VWA8: variants seen among roughly 807,000 people sequenced by gnomAD.
VWA8 encodes von Willebrand factor A domain containing 8.
VWA8 carries 221 observed loss-of-function variants against 241.5 expected under a neutral mutation model. The ratio of observed to expected loss-of-function variants is 0.91; its 90% CI spans 0.82 to 1.02. The LOEUF is 1.02. Ranked by LOEUF, VWA8 falls within the 50% of genes least tolerant of loss-of-function variation. The pLI is 0.00. For missense variants in VWA8, 2,322 were observed against 2,328.7 expected (o/e 1.00, Z 0.06); for synonymous variants, 852 against 827.1 (o/e 1.03, Z -0.52).
Position 41,684,360 on chromosome 13 carries a change from CAATT to C in VWA8, c.4327+683_4327+686del, listed in dbSNP as rs141729710. ...CCACTGTGACATAAAAAAAAAAAGT[CAATT>C]AATCAATGATCAAACTTTTTCATAG... On this transcript the variant is annotated intron_variant, in intron 35 of 44. Transcript: ENST00000379310. Among the ~76,000 whole-genome samples the C allele has an allele frequency of 2.9e-3, 441 of 151,610 alleles. 2 individuals carry two copies. The highest frequency in any genetic ancestry group is 1.0e-2 in the African/African-American group (412 of 41,338).
chr13:41,648,195 C>T (rs759012242), intron 37 of VWA8, among the ~76,000 whole-genome samples: 3 of 152,088 alleles, frequency 2.0e-5, no homozygotes, highest in Non-Finnish European at 4.4e-5. Context: ...TGAATCTGAT[C>T]ACTGGTAATA....
intron 43 of VWA8, among the ~76,000 whole-genome samples, chr13:41,571,317 CTCCCT>C (rs1198331067): frequency 7.0e-6 from 1 of 143,236 alleles, no homozygotes; most frequent in Non-Finnish European, 1.5e-5. Context: ...CCTCCTCCCT[CTCCCT>C]CTCCCGTCTC....
intron 40 of VWA8, among the ~76,000 whole-genome samples, chr13:41,594,649 C>T (rs1198358025): frequency 6.6e-6 from 1 of 152,160 alleles, no homozygotes; most frequent in Non-Finnish European, 1.5e-5. Flanking sequence ...CTGGAGGACA[C>T]ACAGCTGATG....
intron 2 of VWA8, among the ~76,000 whole-genome samples, chr13:41,945,690 G>A (rs1566048055): frequency 6.6e-6 from 1 of 152,064 alleles, no homozygotes; most frequent in Non-Finnish European, 1.5e-5. Context: ...CAGCAAACTT[G>A]AAGATTAGTC....
At chr13:41,869,887 A>C (rs933965609) in intron 9 of VWA8, among the ~76,000 whole-genome samples, 4 of 152,172 alleles carry the variant, frequency 2.6e-5, no homozygotes, top group Admixed American at 2.6e-4. Context: ...ATTAACCCCC[A>C]AAATCCTACA....
intron 2 of VWA8, among the ~76,000 whole-genome samples, chr13:41,937,696 G>A (rs1320630259): frequency 6.6e-6 from 1 of 152,064 alleles, no homozygotes; most frequent in Non-Finnish European, 1.5e-5. Context: ...ATGTTACAAG[G>A]ATCAATGAAA....
intron 20 of VWA8, among the ~76,000 whole-genome samples, chr13:41,772,656 A>T (rs2045833566): frequency 6.6e-6 from 1 of 152,344 alleles, no homozygotes; most frequent in Admixed American, 6.5e-5. Flanking sequence ...GTTCTGCTGC[A>T]CTTACTGGAA....
intron 9 of VWA8, among the ~76,000 whole-genome samples, chr13:41,882,427 C>G (rs1028779847): frequency 1.3e-5 from 2 of 152,146 alleles, no homozygotes; most frequent in African/African-American, 4.8e-5. Context: ...GCTGCAATCT[C>G]GGCACTTTGG....
intron 4 of VWA8, among the ~76,000 whole-genome samples, chr13:41,897,447 T>C (rs1160069131): frequency 6.6e-6 from 1 of 151,856 alleles, no homozygotes; most frequent in Non-Finnish European, 1.5e-5. Flanking sequence ...TTACACACTG[T>C]TGATGGAAAT....
At chr13:41,892,723 T>G (rs1874905096) in intron 4 of VWA8, among the ~76,000 whole-genome samples, 1 of 152,196 alleles carries the variant, frequency 6.6e-6, no homozygotes. Context: ...AATATCCTAT[T>G]TTCTCCAAAC....
At chr13:41,685,633 C>G (rs537475194) in intron 34 of VWA8, among the ~76,000 whole-genome samples, 1 of 152,238 alleles carries the variant, frequency 6.6e-6, no homozygotes, top group East Asian at 1.9e-4. Context: ...TGTCAATAAT[C>G]ATAATTTTCA....
At chr13:41,760,256 G>A (rs940984192) in intron 21 of VWA8, among the ~76,000 whole-genome samples, 12 of 151,714 alleles carry the variant, frequency 7.9e-5, no homozygotes, top group Non-Finnish European at 1.6e-4. Flanking sequence ...GTCATGGGCA[G>A]AGGTATAAAT....
intron 12 of VWA8, among the ~76,000 whole-genome samples, chr13:41,845,258 A>C (rs1052080943): frequency 4.6e-5 from 7 of 152,138 alleles, no homozygotes; most frequent in Non-Finnish European, 1.0e-4. Flanking sequence ...CTCTCACATC[A>C]GTTAGAATGC....
At chr13:41,913,323 T>C (rs941520502) in intron 2 of VWA8, among the ~76,000 whole-genome samples, 1 of 152,222 alleles carries the variant, frequency 6.6e-6, no homozygotes, top group Non-Finnish European at 1.5e-5. Context: ...GATTCTTATG[T>C]ATAGCTTCAA....
In VWA8 at chr13:41,691,881, CT is replaced by C. The variant is rs2045180479; in HGVS notation, c.3732del (p.Glu1245LysfsTer6). The stretch of plus-strand genomic sequence containing the variant: ...CTATAATAAAGAGCTCACCCTTTTT[CT>C]TTGTAGAACACCAGCCAGTTTTTGT... ...FSHKNWLVFY[K>X]EKGNSLTVLD... On this transcript the variant is annotated frameshift_variant, in exon 31 of 45. Transcript: ENST00000379310. LOFTEE classifies it high-confidence loss of function. The C allele has an allele frequency of 1.2e-6, 2 of 1,608,962 alleles. No homozygotes were observed. Among genetic ancestry groups the C allele is most frequent in the South Asian group, 2.2e-5 (2 of 90,794 alleles).
intron 2 of VWA8, among the ~76,000 whole-genome samples, chr13:41,940,936 T>C (rs1877567580): frequency 6.6e-6 from 1 of 152,164 alleles, no homozygotes. Context: ...GCAAATTGGG[T>C]CTACAGGCTA....
At chr13:41,656,384 C>G (rs1021796901) in intron 37 of VWA8, among the ~76,000 whole-genome samples, 1 of 152,134 alleles carries the variant, frequency 6.6e-6, no homozygotes, top group African/African-American at 2.4e-5. Flanking sequence ...CCTCTTAAAA[C>G]AAACATCCCG....
chr13:41,778,805 T>G, intron 19 of VWA8, among the ~76,000 whole-genome samples: 1 of 150,224 alleles, frequency 6.7e-6, no homozygotes, highest in African/African-American at 2.4e-5. Context: ...ATCCAACACA[T>G]GCTGCAGATA....
chr13:41,777,861 T>C (rs891463442), intron 20 of VWA8, 124 bp downstream of exon 20: 4 of 754,354 alleles, frequency 5.3e-6, no homozygotes, highest in East Asian at 2.7e-5. Flanking sequence ...CAGAGTCTCA[T>C]CCTTTAATTA....
Sources: gnomAD v4.1 joint callset for allele counts (sites outside exome capture counted in the v4.1 genomes callset) on GRCh38, gnomAD v4.1.1 for gene constraint, MANE v1.5 for transcripts, NCBI Gene and HGNC (gene_info 2026-07-23, HGNC 2026-07-21) for gene names.